MLLT10: variants seen among roughly 807,000 people sequenced by gnomAD.
MLLT10 encodes MLLT10 histone lysine methyltransferase DOT1L cofactor.
Under a neutral mutation model 129.1 loss-of-function variants are expected in MLLT10, and 30 were observed. The ratio of observed to expected loss-of-function variants is 0.23; its 90% CI spans 0.17 to 0.32. The LOEUF is 0.32. MLLT10 is among the 10% of genes least tolerant of loss of function. The pLI, the probability that MLLT10 is intolerant of heterozygous loss-of-function variation, is 1.00. For missense variants in MLLT10, 1,119 were observed against 1,268.3 expected, an observed-to-expected ratio of 0.88 and a Z score of 1.79; for synonymous variants, 490 against 446.4, an observed-to-expected ratio of 1.10 and a Z score of -1.23.
At chr10:21,710,645 A>T (rs1420406326) in intron 13 of MLLT10, among the ~76,000 whole-genome samples, 3 of 152,178 alleles carry the variant, frequency 2.0e-5, no homozygotes, top group African/African-American at 7.2e-5. Context: ...TTCTATATGT[A>T]GGAGTTCTGT....
At chr10:21,709,469 G>A (rs943253402) in intron 13 of MLLT10, among the ~76,000 whole-genome samples, 6 of 152,174 alleles carry the variant, frequency 3.9e-5, no homozygotes, top group Non-Finnish European at 7.3e-5. Flanking sequence ...GACCTCAGGT[G>A]ATCCACCTGC....
rs561759344 is a variant in MLLT10, at chr10:21,672,020, G to T, written c.1051+1316G>T. On this transcript the variant is annotated intron_variant, in intron 10 of 22. Transcript: ENST00000307729. Reference sequence around the variant, plus strand: ...CACTAAATAAATAAATACAATCAAGGTTTACATTTTTTAGTAGATAAACAA... The same window carrying T: ...CACTAAATAAATAAATACAATCAAGTTTTACATTTTTTAGTAGATAAACAA... Among the ~76,000 whole-genome samples the T allele has an allele frequency of 7.9e-5, 12 of 152,066 alleles. No individual in the cohort carries two copies. In the South Asian group the frequency reaches 2.1e-3, roughly 26 times the overall value.
chr10:21,735,240 G>C lies in MLLT10; in HGVS notation c.2955+5G>C. 6.2e-7 allele frequency: 1 copy of C among 1,601,158 alleles called. No homozygotes were observed. Among genetic ancestry groups the C allele is most frequent in the Non-Finnish European group, 8.6e-7 (1 of 1,169,094 alleles). On this transcript the variant is annotated splice_donor_5th_base_variant and intron_variant, in intron 21 of 22. Transcript: ENST00000307729. ...AATTCTCAACAGCTCACACCAGTAA[G>C]TTCTTTCTTTTGATAATATCTTATT...
chr10:21,727,809 T>G, intron 15 of MLLT10, 47 bp from the exon 16 acceptor site: 1 of 1,472,292 alleles, frequency 6.8e-7, no homozygotes, highest in Non-Finnish European at 9.5e-7. Flanking sequence ...TAAAACCTCT[T>G]ATCTAGTGAG....
At chr10:21,609,473 T>C (rs1438399520) in intron 5 of MLLT10, among the ~76,000 whole-genome samples, 1 of 152,198 alleles carries the variant, frequency 6.6e-6, no homozygotes, top group Non-Finnish European at 1.5e-5. Context: ...CTTTATTGAT[T>C]GATGCATTTG....
In MLLT10 at chr10:21,713,754, A is replaced by G; in HGVS notation, c.1700-18A>G. ...TTGACTGCTAAGTTATATTTAAATAACATTTGTTTTTTTGCAGGTATTTAT... is the reference window on the plus strand; with the variant it reads ...TTGACTGCTAAGTTATATTTAAATAGCATTTGTTTTTTTGCAGGTATTTAT... On this transcript the variant is annotated intron_variant, in intron 13 of 22. Coordinates refer to ENST00000307729, the MANE Select transcript of MLLT10 (RefSeq NM_001195626.3). 6.3e-7 allele frequency: 1 copy of G among 1,598,984 alleles called. No homozygotes were observed. The highest frequency in any genetic ancestry group is 8.5e-7 in the Non-Finnish European group (1 of 1,171,410).
chr10:21,574,118 G>A (rs2040492177), intron 3 of MLLT10, among the ~76,000 whole-genome samples: 1 of 152,070 alleles, frequency 6.6e-6, no homozygotes, highest in Non-Finnish European at 1.5e-5. Flanking sequence ...TGAGTCTAGA[G>A]TTTTCTTTTT....
intron 5 of MLLT10, among the ~76,000 whole-genome samples, chr10:21,596,243 A>G (rs939584767): frequency 5.3e-5 from 8 of 152,060 alleles, no homozygotes; most frequent in African/African-American, 1.7e-4. Flanking sequence ...TGCTTATAGT[A>G]TATGCTTACA....
chr10:21,680,955 C>CA (rs778792281), intron 11 of MLLT10, among the ~76,000 whole-genome samples: 3,237 of 121,372 alleles, frequency 0.027, 59 homozygotes, highest in Middle Eastern at 0.073. Flanking sequence ...GACTTTGTCT[C>CA]AAAAAAAAAA....
intron 11 of MLLT10, among the ~76,000 whole-genome samples, chr10:21,676,969 T>G (rs2052229786): frequency 6.6e-6 from 1 of 152,212 alleles, no homozygotes; most frequent in Non-Finnish European, 1.5e-5. Flanking sequence ...TAAGAATTGC[T>G]AACTGCTGAT....
chr10:21,640,897 T>C (rs1403241433), intron 8 of MLLT10, among the ~76,000 whole-genome samples: 4 of 152,234 alleles, frequency 2.6e-5, no homozygotes, highest in African/African-American at 7.2e-5. Flanking sequence ...TTCTTCCAAG[T>C]TGTGAATCAG....
intron 8 of MLLT10, among the ~76,000 whole-genome samples, chr10:21,626,591 A>G (rs1040762754): frequency 3.3e-5 from 5 of 152,160 alleles, no homozygotes; most frequent in African/African-American, 1.2e-4. Context: ...ATAGTGTCAC[A>G]TTGGCAAATT....
intron 3 of MLLT10, among the ~76,000 whole-genome samples, chr10:21,539,336 C>T (rs914294256): frequency 3.3e-5 from 5 of 151,346 alleles, no homozygotes; most frequent in African/African-American, 1.2e-4. Context: ...TTTACTACAT[C>T]TTTGGGTGTA....
chr10:21,603,818 TG>T (rs2043794991), intron 5 of MLLT10, among the ~76,000 whole-genome samples: 1 of 140,740 alleles, frequency 7.1e-6, no homozygotes, highest in African/African-American at 2.4e-5. Flanking sequence ...TGACAGTTTT[TG>T]TTTTTTTGTT....
At chr10:21,670,408 A>T in intron 9 of MLLT10, 41 bp from the exon 10 acceptor site, 3 of 1,555,642 alleles carry the variant, frequency 1.9e-6, no homozygotes, top group Non-Finnish European at 2.6e-6. Context: ...ACTAAAATGT[A>T]ATCAACTCTT....
In MLLT10 at chr10:21,688,968, A is replaced by G. The variant is rs114445513; in HGVS notation, c.1699+6711A>G. Among the ~76,000 whole-genome samples, 308 of 152,280 alleles carry G rather than the reference A, an allele frequency of 2.0e-3. 1 individual carries two copies. Among genetic ancestry groups the G allele is most frequent in the African/African-American group, 7.0e-3 (289 of 41,578 alleles). ...TACTCTGGATCAGTTCAGAGAGAAC[A>G]TGTGTATTCTGAACTACAGAGTGAA... On this transcript the variant is annotated intron_variant, in intron 13 of 22. Coordinates refer to ENST00000307729, the MANE Select transcript of MLLT10 (RefSeq NM_001195626.3).
intron 8 of MLLT10, among the ~76,000 whole-genome samples, chr10:21,627,966 A>T (rs530161761): frequency 2.2e-4 from 34 of 152,334 alleles, no homozygotes; most frequent in African/African-American, 7.9e-4. Context: ...TTGTGCCTAA[A>T]CTTTCAGTTA....
intron 8 of MLLT10, among the ~76,000 whole-genome samples, chr10:21,647,084 C>T (rs906184415): frequency 6.6e-6 from 1 of 152,084 alleles, no homozygotes; most frequent in Non-Finnish European, 1.5e-5. Flanking sequence ...TCTCGATCTC[C>T]CGACCTCGTG....
intron 3 of MLLT10, among the ~76,000 whole-genome samples, chr10:21,552,917 C>T (rs901661397): frequency 2.6e-5 from 4 of 151,886 alleles, no homozygotes; most frequent in East Asian, 3.9e-4. Flanking sequence ...CTTTCCTCCC[C>T]CTTCCTTTCC....
Sources: allele counts gnomAD v4.1 joint callset (sites outside exome capture counted in the v4.1 genomes callset), GRCh38; gene constraint gnomAD v4.1.1; transcripts MANE v1.5; gene names NCBI Gene and HGNC (gene_info 2026-07-23, HGNC 2026-07-21).